PHC3: variants seen among roughly 807,000 people sequenced by gnomAD.
The protein encoded by PHC3 is polyhomeotic-like protein 3.
PHC3 carries 13 observed loss-of-function variants against 107.4 expected under a neutral mutation model. That is an observed-to-expected ratio of 0.12 (90% CI 0.08 to 0.19). The LOEUF (loss-of-function observed/expected upper bound fraction) is 0.19, where lower values mean the gene tolerates loss of function less well. Among genes scored for constraint, PHC3 ranks in the 10% least tolerant of loss-of-function variants. The pLI, the probability that PHC3 is intolerant of heterozygous loss-of-function variation, is 1.00. For missense variants in PHC3, 992 were observed against 1,210.9 expected, an observed-to-expected ratio of 0.82 and a Z score of 2.68; for synonymous variants, 456 against 427.4, an observed-to-expected ratio of 1.07 and a Z score of -0.83.
chr3:170,152,083 TTAATA>T (rs894843004), intron 4 of PHC3, among the ~76,000 whole-genome samples: 10 of 152,040 alleles, frequency 6.6e-5, no homozygotes, highest in Non-Finnish European at 1.0e-4. Context: ...TATTTTTATT[TTAATA>T]TAATAGTTAA....
chr3:170,178,737 T>A, intron 2 of PHC3, 36 bp downstream of exon 2: 1 of 1,604,020 alleles, frequency 6.2e-7, no homozygotes, highest in South Asian at 1.1e-5. Flanking sequence ...TATGACATCT[T>A]AAGTCTTAGA....
intron 9 of PHC3, among the ~76,000 whole-genome samples, chr3:170,117,992 G>C (rs902033809): frequency 6.6e-6 from 1 of 152,092 alleles, no homozygotes; most frequent in Non-Finnish European, 1.5e-5. Flanking sequence ...CAGCCTGGGC[G>C]ACAAGAGTGA....
At chr3:170,116,279 T>C (rs1442299101) in intron 10 of PHC3, among the ~76,000 whole-genome samples, 1 of 152,008 alleles carries the variant, frequency 6.6e-6, no homozygotes, top group Non-Finnish European at 1.5e-5. Context: ...ATAATACACT[T>C]TATGGCCAGG....
intron 2 of PHC3, among the ~76,000 whole-genome samples, chr3:170,178,300 C>T (rs1198889040): frequency 6.6e-6 from 1 of 151,976 alleles, no homozygotes; most frequent in African/African-American, 2.4e-5. Flanking sequence ...CCCGCCACTG[C>T]GCCCGGCTAA....
chr3:170,160,271 T>C (rs1252610293), intron 4 of PHC3, among the ~76,000 whole-genome samples: 1 of 152,230 alleles, frequency 6.6e-6, no homozygotes, highest in Non-Finnish European at 1.5e-5. Context: ...TCTACCTGTT[T>C]TAAAAGTTTA....
chr3:170,171,432 T>TTCC lies in PHC3; in HGVS notation c.352_354dup (p.Gly118dup). 1 of 1,604,188 alleles carries TTCC rather than the reference T, an allele frequency of 6.2e-7. No homozygotes were observed. Among genetic ancestry groups the TTCC allele is most frequent in the Non-Finnish European group, 8.5e-7 (1 of 1,176,452 alleles). ...CTTCCTGTGGGAGATGTAGATGGTC[T>TTCC]TCCACTGGACAAACTTGCCTAAAAT... On this transcript the variant is annotated inframe_insertion, in exon 4 of 15. Transcript: ENST00000495893.
intron 10 of PHC3, among the ~76,000 whole-genome samples, chr3:170,116,364 G>T (rs185260669): frequency 2.6e-5 from 4 of 152,080 alleles, no homozygotes; most frequent in South Asian, 4.1e-4. Flanking sequence ...AGGAGTTTGA[G>T]ACCAGCCTGG....
intron 6 of PHC3, among the ~76,000 whole-genome samples, chr3:170,140,173 A>G (rs991520487): frequency 1.3e-5 from 2 of 149,072 alleles, no homozygotes; most frequent in African/African-American, 4.9e-5. Flanking sequence ...CCTCAATTCT[A>G]AGAGTATTCC....
chr3:170,125,545 T>G (rs1001494506), intron 8 of PHC3, among the ~76,000 whole-genome samples: 6 of 152,228 alleles, frequency 3.9e-5, no homozygotes, highest in African/African-American at 1.4e-4. Context: ...TTCAAACATC[T>G]GCTAGAGTAT....
At chr3:170,153,761 TC>T (rs1398950215) in intron 4 of PHC3, among the ~76,000 whole-genome samples, 1 of 112,318 alleles carries the variant, frequency 8.9e-6, no homozygotes, top group African/African-American at 3.0e-5. Context: ...AGACTCCGTC[TC>T]AAAAAAAAAA....
chr3:170,157,711 G>C (rs1727109652), intron 4 of PHC3, among the ~76,000 whole-genome samples: 1 of 151,960 alleles, frequency 6.6e-6, no homozygotes, highest in African/African-American at 2.4e-5. Flanking sequence ...CCCCTATATA[G>C]TATAAATATA....
At chr3:170,167,627 G>A (rs1436647160) in intron 4 of PHC3, among the ~76,000 whole-genome samples, 1 of 152,048 alleles carries the variant, frequency 6.6e-6, no homozygotes. Flanking sequence ...GGGCATGGTG[G>A]CGTATGCCTG....
At chr3:170,179,027 A>C (rs1285177684) in intron 1 of PHC3, 89 bp from the exon 2 acceptor site, 1 of 1,227,794 alleles carries the variant, frequency 8.1e-7, no homozygotes, top group Non-Finnish European at 1.2e-6. Context: ...AATCAGCAGT[A>C]ATCTAAACTG....
rs371915608 is a variant in PHC3, at chr3:170,116,570, A to C, written c.2193+656T>G. Among the ~76,000 whole-genome samples the C allele has an allele frequency of 3.9e-4, 59 of 152,126 alleles. No individual in the cohort carries two copies. The East Asian group carries it at 4.6e-3, about 12-fold the overall frequency. On this transcript the variant is annotated intron_variant, in intron 10 of 14. Transcript: ENST00000495893. Reference sequence around the variant, plus strand: ...TGACAGAGCGAGACTCTCTCTCAAAAACTCAAATAAATAAATAAAAATAAA... The same window carrying C: ...TGACAGAGCGAGACTCTCTCTCAAACACTCAAATAAATAAATAAAAATAAA...
chr3:170,094,592 G>A lies in PHC3; in HGVS notation c.*2638C>T, dbSNP rs1159719817. 1 of 152,136 alleles carries A rather than the reference G, an allele frequency of 6.6e-6. No homozygotes were observed. The highest frequency in any genetic ancestry group is 2.4e-5 in the African/African-American group (1 of 41,436). 9.4% of individuals were successfully genotyped at this position (152,136 alleles called of 1,614,324 possible). ...CTCAGGAGAGAGGTGGATGCTCAGT[G>A]TTGTCTATATATCCATTATATATAG... On this transcript the variant is annotated 3_prime_UTR_variant, in exon 15 of 15. Coordinates refer to ENST00000495893, the MANE Select transcript of PHC3 (RefSeq NM_024947.4).
intron 8 of PHC3, among the ~76,000 whole-genome samples, chr3:170,126,528 A>ATATATATATATTT (rs370421296): frequency 9.9e-5 from 9 of 90,632 alleles, no homozygotes; most frequent in African/African-American, 4.0e-4. Context: ...ATATATATAT[A>ATATATATATATTT]TTTTTTTTTT....
intron 7 of PHC3, among the ~76,000 whole-genome samples, chr3:170,130,964 C>T (rs1374741496): frequency 6.6e-6 from 1 of 151,700 alleles, no homozygotes; most frequent in Non-Finnish European, 1.5e-5. Context: ...TTATACCTTA[C>T]ATCTATTTTT....
chr3:170,123,374 C>CACACACACACACACACAG (rs1366842733), intron 8 of PHC3, among the ~76,000 whole-genome samples: 1 of 151,722 alleles, frequency 6.6e-6, no homozygotes, highest in Non-Finnish European at 1.5e-5. Flanking sequence ...CACACACACA[C>CACACACACACACACACAG]AGCCTAAGCT....
intron 6 of PHC3, among the ~76,000 whole-genome samples, chr3:170,142,218 T>C (rs895753626): frequency 1.3e-5 from 2 of 152,218 alleles, no homozygotes; most frequent in African/African-American, 4.8e-5. Flanking sequence ...TTAATCCTCA[T>C]AGCAACCTTT....
Sources: gnomAD v4.1 joint callset for allele counts (sites outside exome capture counted in the v4.1 genomes callset) on GRCh38, gnomAD v4.1.1 for gene constraint, MANE v1.5 for transcripts, NCBI Gene and HGNC (gene_info 2026-07-23, HGNC 2026-07-21) for gene names.